Variants in SPRED1 observed in about 807,000 individuals in gnomAD.
The protein encoded by SPRED1 is sprouty related EVH1 domain containing 1.
SPRED1 carries 18 observed loss-of-function variants against 52.3 expected under a neutral mutation model. That is an observed-to-expected ratio of 0.34 (90% CI 0.24 to 0.51). The LOEUF is 0.51. Among genes scored for constraint, SPRED1 ranks in the 20% least tolerant of loss-of-function variants. The probability of loss-of-function intolerance (pLI) is 0.97; values close to 1 mark genes in which losing one functional copy is unlikely to be tolerated. For synonymous variants in SPRED1, 155 were observed against 179.7 expected (o/e 0.86, Z 1.10); for missense variants, 485 against 551.0 (o/e 0.88, Z 1.20).
In SPRED1 at chr15:38,253,072, G is replaced by C; in HGVS notation, c.-114G>C. 10 of 871,698 alleles carry C rather than the reference G, an allele frequency of 1.1e-5. No homozygotes were observed. In the South Asian group the frequency reaches 1.4e-4, roughly 12 times the overall value. 54.0% of individuals were successfully genotyped at this position (871,698 alleles called of 1,614,324 possible). ...GCATCCACCATGGTGAGGCCCCTGTGCCGCTGCCCCCGCGCCCCCCCGGCC... is the reference window on the plus strand; with the variant it reads ...GCATCCACCATGGTGAGGCCCCTGTCCCGCTGCCCCCGCGCCCCCCCGGCC... On this transcript the variant is annotated 5_prime_UTR_variant, in exon 1 of 7. Coordinates refer to ENST00000299084, the MANE Select transcript of SPRED1 (RefSeq NM_152594.3).
At chr15:38,337,772 T>C (rs951690367) in intron 4 of SPRED1, among the ~76,000 whole-genome samples, 10 of 151,954 alleles carry the variant, frequency 6.6e-5, no homozygotes, top group African/African-American at 2.4e-4. Flanking sequence ...GTTATTATAA[T>C]TTAGTAAAAG....
At chr15:38,319,540 C>T (rs942097036) in intron 2 of SPRED1, among the ~76,000 whole-genome samples, 24 of 152,072 alleles carry the variant, frequency 1.6e-4, no homozygotes, top group African/African-American at 5.1e-4. Flanking sequence ...CCACCACGCC[C>T]GGCTAATTTT....
intron 5 of SPRED1, among the ~76,000 whole-genome samples, chr15:38,343,524 C>T (rs907806556): frequency 6.6e-5 from 10 of 152,066 alleles, no homozygotes; most frequent in Non-Finnish European, 7.4e-5. Context: ...AGAAAGTTAA[C>T]GAAATTGAAA....
intron 2 of SPRED1, among the ~76,000 whole-genome samples, chr15:38,319,914 C>A (rs1485454740): frequency 2.0e-5 from 3 of 152,144 alleles, no homozygotes. Context: ...CATTTACATA[C>A]CTCTACCATG....
intron 1 of SPRED1, among the ~76,000 whole-genome samples, chr15:38,286,776 G>C (rs888197401): frequency 2.6e-5 from 4 of 152,210 alleles, no homozygotes; most frequent in African/African-American, 7.2e-5. Flanking sequence ...CCAAGTAAGT[G>C]AAGTTTTTCT....
intron 3 of SPRED1, among the ~76,000 whole-genome samples, chr15:38,323,262 A>G (rs1895640809): frequency 6.6e-6 from 1 of 152,180 alleles, no homozygotes; most frequent in Non-Finnish European, 1.5e-5. Flanking sequence ...GATAGTGCAT[A>G]AAACTGTAGT....
Position 38,352,048 on chromosome 15 carries a change from G to A in SPRED1, c.*384G>A. ...GAACTAAAAATAAAAGTGCACTAGG[G>A]GACAGTTGATTTCAATCTAAGAAAA... is the stretch of plus-strand genomic sequence containing the variant. On this transcript the variant is annotated 3_prime_UTR_variant, in exon 7 of 7. Coordinates refer to ENST00000299084, the MANE Select transcript of SPRED1 (RefSeq NM_152594.3). The A allele has an allele frequency of 4.9e-6, 1 of 203,070 alleles. No individual in the cohort carries two copies. The highest frequency in any genetic ancestry group is 1.0e-5 in the Non-Finnish European group (1 of 99,624). The allele number at this position is 203,070 out of a possible 1,614,324, so 12.6% of individuals were successfully genotyped here.
At position 38,339,742 on chromosome 15, in the gene SPRED1, T is replaced by G; in HGVS notation, c.429T>G (p.Asn143Lys). ...EAEGADDLQA[N>K]EEDSSSSLVK... ...TTGAGGGTTGTTCCCAATAGGCAAA[T>G]GAAGAGGATTCTTCCAGTTCTCTAG... Residue 143 changes from asparagine to lysine, a missense_variant, in exon 5 of 7, where the codon AAT becomes AAG. Transcript: ENST00000299084. 1.2e-6 allele frequency: 2 copies of G among 1,613,786 alleles called. No individual in the cohort carries two copies. Among genetic ancestry groups the G allele is most frequent in the Admixed American group, 3.3e-5 (2 of 59,988 alleles).
At chr15:38,289,186 G>A (rs770913078) in intron 1 of SPRED1, among the ~76,000 whole-genome samples, 10 of 150,116 alleles carry the variant, frequency 6.7e-5, no homozygotes, top group Non-Finnish European at 1.3e-4. Context: ...TACAAGTTTT[G>A]TATTCCACGT....
chr15:38,303,216 T>G (rs1895185545), intron 2 of SPRED1, among the ~76,000 whole-genome samples: 1 of 151,936 alleles, frequency 6.6e-6, no homozygotes, highest in Non-Finnish European at 1.5e-5. Flanking sequence ...TCTTACTTGA[T>G]GTGTGTGAGC....
At chr15:38,262,358 C>A (rs566315447) in intron 1 of SPRED1, among the ~76,000 whole-genome samples, 39 of 152,256 alleles carry the variant, frequency 2.6e-4, no homozygotes, top group African/African-American at 9.4e-4. Context: ...TTCTTCAAGG[C>A]TCAAGGAGAA....
chr15:38,292,216 C>T (rs1595729419), intron 1 of SPRED1, among the ~76,000 whole-genome samples: 1 of 152,298 alleles, frequency 6.6e-6, no homozygotes, highest in Non-Finnish European at 1.5e-5. Flanking sequence ...CCAACAAGTT[C>T]CTCATCTCCA....
rs937097236 is a variant in SPRED1 at position 38,353,928 on chromosome 15, AAT to A, written c.*2265_*2266del. 6.6e-6 allele frequency: 1 copy of A among 152,562 alleles called. No homozygotes were observed. Among genetic ancestry groups the A allele is most frequent in the Non-Finnish European group, 1.5e-5 (1 of 67,974 alleles). The allele number at this position is 152,562 out of a possible 1,614,324, so 9.5% of individuals were successfully genotyped here. On this transcript the variant is annotated 3_prime_UTR_variant, in exon 7 of 7. Coordinates refer to ENST00000299084, the MANE Select transcript of SPRED1 (RefSeq NM_152594.3). ...TGCAACATATATGCTTTAATATTTT[AAT>A]GTTTGTGCATTAATATTTTCAATTT...
intron 1 of SPRED1, among the ~76,000 whole-genome samples, chr15:38,295,467 A>T (rs1165253227): frequency 6.6e-6 from 1 of 152,182 alleles, no homozygotes; most frequent in African/African-American, 2.4e-5. Context: ...TACAATAAAG[A>T]TACGGTATTG....
At chr15:38,330,533 G>T (rs1895786578) in intron 4 of SPRED1, among the ~76,000 whole-genome samples, 1 of 152,050 alleles carries the variant, frequency 6.6e-6, no homozygotes, top group Non-Finnish European at 1.5e-5. Context: ...TGGGCTTGTG[G>T]AATTAGAGTA....
Position 38,322,253 on chromosome 15 carries a change from T to A in SPRED1, c.220T>A (p.Cys74Ser). 2 of 1,613,826 alleles carry A rather than the reference T, an allele frequency of 1.2e-6. No individual in the cohort carries two copies. The highest frequency in any genetic ancestry group is 1.7e-6 in the Non-Finnish European group (2 of 1,179,864). ...TGGCTTTTGTCAGGTGGTTTTGGAA[T>A]GTATGCTTAAAAAAGACCTCATTTA... is the stretch of plus-strand genomic sequence containing the variant. ...RLRDKMVVLE[C>S]MLKKDLIYNK... is the part of the protein sequence containing the mutation. Residue 74 changes from cysteine (C) to serine (S), a missense_variant, in exon 3 of 7, where the codon TGT becomes AGT. Physicochemically the swap from Cys to Ser is moderately radical, Grantham distance 112 (BLOSUM62 -1). Transcript: ENST00000299084.
At position 38,355,798 on chromosome 15, in the gene SPRED1, G is replaced by A. The variant is rs1323457716; in HGVS notation, c.*4134G>A. 12 of 152,088 alleles carry A rather than the reference G, an allele frequency of 7.9e-5. No individual in the cohort carries two copies. The highest frequency in any genetic ancestry group is 2.9e-4 in the African/African-American group (12 of 41,428). 9.4% of individuals were successfully genotyped at this position (152,088 alleles called of 1,614,324 possible). A position where few individuals can be genotyped will look rare whatever the true frequency, so the allele number is the denominator to read the frequency against. Reference sequence around the variant, plus strand: ...GTGTAAGAGGAAGCACTAGAAACTGGCATTATTGTTGCACTAAAAAAGTCT... The same window carrying A: ...GTGTAAGAGGAAGCACTAGAAACTGACATTATTGTTGCACTAAAAAAGTCT... On this transcript the variant is annotated 3_prime_UTR_variant, in exon 7 of 7. Coordinates refer to ENST00000299084, the MANE Select transcript of SPRED1 (RefSeq NM_152594.3).
chr15:38,260,325 C>A (rs1479467394), intron 1 of SPRED1, among the ~76,000 whole-genome samples: 2 of 152,210 alleles, frequency 1.3e-5, no homozygotes, highest in Non-Finnish European at 2.9e-5. Context: ...TCTTCATCAT[C>A]ACATGGCGGT....
intron 4 of SPRED1, among the ~76,000 whole-genome samples, chr15:38,333,984 A>G (rs903102839): frequency 6.6e-6 from 1 of 152,068 alleles, no homozygotes; most frequent in African/African-American, 2.4e-5. Context: ...TGATAATACT[A>G]TGTACCTCAA....
Sources: allele counts gnomAD v4.1 joint callset (sites outside exome capture counted in the v4.1 genomes callset), GRCh38; gene constraint gnomAD v4.1.1; transcripts MANE v1.5; gene names NCBI Gene and HGNC (gene_info 2026-07-23, HGNC 2026-07-21).